Variants in VSIG10L observed in about 807,000 individuals in gnomAD.
VSIG10L encodes V-set and immunoglobulin domain containing 10 like.
In VSIG10L, 63 loss-of-function variants were observed where a neutral mutation model predicts 67.3. The observed-to-expected ratio is 0.94, with a 90% CI of 0.76 to 1.15. The LOEUF is 1.15. VSIG10L is among the 50% of genes most tolerant of loss of function. The probability of loss-of-function intolerance (pLI) is 0.00; values close to 1 mark genes in which losing one functional copy is unlikely to be tolerated. For missense variants in VSIG10L, 1,050 were observed against 1,177.5 expected (o/e 0.89, Z 1.58); for synonymous variants, 499 against 524.9 (o/e 0.95, Z 0.67).
rs1599834754 is a variant in VSIG10L, at chr19:51,340,086, G to A, written c.1403C>T (p.Thr468Ile). Residue 468 changes from threonine (T) to isoleucine (I), a missense_variant, in exon 4 of 10, where the codon ACC (threonine) becomes ATC (isoleucine). Physicochemically the swap from Thr to Ile is moderately conservative, Grantham distance 89. Transcript: ENST00000335624. This position sits in a 1 kb window ranked among gnomAD's most constrained non-coding sequence, Gnocchi z 6.3. Reference sequence around the variant, plus strand: ...CGGGTTCGCCGCCAGGCAGGCGTAGGTGCCTGCGTGGCCCGGTCCGACCGC... The same window carrying A: ...CGGGTTCGCCGCCAGGCAGGCGTAGATGCCTGCGTGGCCCGGTCCGACCGC... ...LPAVGPGHAGTYACLAANPRT... is the reference protein window; with the variant it reads ...LPAVGPGHAGIYACLAANPRT... 1 of 1,401,736 alleles carries A rather than the reference G, an allele frequency of 7.1e-7. No individual in the cohort carries two copies. Among genetic ancestry groups the A allele is most frequent in the Non-Finnish European group, 9.3e-7 (1 of 1,079,174 alleles). The allele number at this position is 1,401,736 out of a possible 1,614,324, so 86.8% of individuals were successfully genotyped here.
intron 6 of VSIG10L, 132 bp downstream of exon 6, chr19:51,337,798 T>C: frequency 8.3e-7 from 1 of 1,210,352 alleles, no homozygotes; most frequent in Non-Finnish European, 1.1e-6. Context: ...CTCCAGGGTC[T>C]GAGGGAGGAG....
chr19:51,332,387 A>T lies in VSIG10L; in HGVS notation c.*224T>A. Reference sequence around the variant, plus strand: ...TTAGATCAGCAAGAGTTTCCCAGCCAAGAAGTCACATCTCCTTACTTGCAC... The same window carrying T: ...TTAGATCAGCAAGAGTTTCCCAGCCTAGAAGTCACATCTCCTTACTTGCAC... On this transcript the variant is annotated 3_prime_UTR_variant, in exon 10 of 10. Transcript: ENST00000335624. 1 of 631,078 alleles carries T rather than the reference A, an allele frequency of 1.6e-6. No homozygotes were observed. The highest frequency in any genetic ancestry group is 2.9e-6 in the Non-Finnish European group (1 of 349,594). The allele number at this position is 631,078 out of a possible 1,614,324, so 39.1% of individuals were successfully genotyped here. A position where few individuals can be genotyped will look rare whatever the true frequency, so the allele number is the denominator to read the frequency against.
intron 7 of VSIG10L, among the ~76,000 whole-genome samples, chr19:51,334,853 A>G (rs1985444968): frequency 3.9e-5 from 6 of 152,134 alleles, no homozygotes; most frequent in Admixed American, 3.9e-4. Flanking sequence ...AGGCAAGATC[A>G]CCTGAGTCTG....
chr19:51,340,708 G>T lies in VSIG10L; in HGVS notation c.914C>A (p.Ser305Ter). ...VGVYEPLPQL[S>*]VQPKAPETEE... is the part of the protein sequence containing the mutation. ...TGTCTCTGGAGCCTTGGGCTGAACC[G>T]ACAGCTGGGGTAGGGGCTCTGGGAG... The change falls in exon 3 of 10, where the codon TCG (serine) becomes TAG (stop). Residue 305 changes from serine (S) to a stop codon, truncating the protein, a stop_gained. Transcript: ENST00000335624. LOFTEE classifies it high-confidence loss of function. This position sits in a 1 kb window ranked among gnomAD's most constrained non-coding sequence, Gnocchi z 6.3. The T allele has an allele frequency of 6.6e-7, 1 of 1,506,618 alleles. No homozygotes were observed. The highest frequency in any genetic ancestry group is 1.2e-5 in the South Asian group (1 of 81,032). The allele number at this position is 1,506,618 out of a possible 1,614,324, so 93.3% of individuals were successfully genotyped here. A position where few individuals can be genotyped will look rare whatever the true frequency, so the allele number is the denominator to read the frequency against.
At chr19:51,334,021 A>G in intron 8 of VSIG10L, 76 bp from the exon 9 acceptor site, 2 of 1,535,758 alleles carry the variant, frequency 1.3e-6, no homozygotes, top group Non-Finnish European at 1.8e-6. Context: ...ATAGCAAGGG[A>G]AGCTGGTTGG....
In VSIG10L at chr19:51,337,328, G is replaced by A. The variant is rs1985507336; in HGVS notation, c.2215C>T (p.Pro739Ser). The A allele has an allele frequency of 2.6e-6, 4 of 1,551,712 alleles. No homozygotes were observed. The highest frequency in any genetic ancestry group is 3.5e-6 in the Non-Finnish European group (4 of 1,146,988). The stretch of plus-strand genomic sequence containing the variant: ...AAGGTCCAGGTCCCTGGGTTCCGAG[G>A]TGGAAGGGGCACCACGGCTGACCGC... ...QERSAVVPLP[P>S]RNPGTWTFRI... The change falls in exon 7 of 10, where the codon CCT (proline) becomes TCT (serine). Residue 739 changes from proline (P) to serine (S), a missense_variant. Physicochemically the swap from Pro to Ser is moderately conservative, Grantham distance 74. Around this residue, in one of 3 missense-constraint regions of VSIG10L, gnomAD observed 529 missense variants for 584.9 expected, o/e 0.90. Transcript: ENST00000335624.
chr19:51,339,943 C>T (rs1454381057), intron 4 of VSIG10L, 72 bp downstream of exon 4: 2 of 1,102,600 alleles, frequency 1.8e-6, no homozygotes, highest in African/African-American at 1.7e-5. Context: ...CCGCCCCTTT[C>T]CTCTAGCCCC....
rs1273658678 is a variant in VSIG10L, at chr19:51,337,364, C to G, written c.2179G>C (p.Gly727Arg). The G allele has an allele frequency of 6.4e-7, 1 of 1,551,624 alleles. No individual in the cohort carries two copies. The highest frequency in any genetic ancestry group is 8.7e-7 in the Non-Finnish European group (1 of 1,146,976). ...ACCACGGCTGACCGCTCCTGAGGCC[C>G]CAGGATGAGCAGGGAGACCCAGTCC... ...YRDWVSLLIL[G>R]PQERSAVVPL... Residue 727 changes from glycine (G) to arginine (R), a missense_variant, in exon 7 of 10, where the codon GGG becomes CGG. Transcript: ENST00000335624.
intron 7 of VSIG10L, among the ~76,000 whole-genome samples, chr19:51,336,133 A>C (rs577009180): frequency 6.6e-6 from 1 of 152,196 alleles, no homozygotes; most frequent in Non-Finnish European, 1.5e-5. Flanking sequence ...AAAGAAAAAC[A>C]TATGTTGAAG....
chr19:51,339,254 C>G, intron 4 of VSIG10L, 112 bp from the exon 5 acceptor site: 1 of 1,116,320 alleles, frequency 9.0e-7, no homozygotes, highest in Non-Finnish European at 1.1e-6. Flanking sequence ...CCCATAGGCG[C>G]TCACACTCCC....
chr19:51,332,040 G>T lies in VSIG10L; in HGVS notation c.*571C>A, dbSNP rs531792073. On this transcript the variant is annotated 3_prime_UTR_variant, in exon 10 of 10. Coordinates refer to ENST00000335624, the MANE Select transcript of VSIG10L (RefSeq NM_001163922.3). ...ACAGACTGTGATACTGGAGTCCGGG[G>T]GCAGAGAAAGAATTGGGAGGGGAGG... is the stretch of plus-strand genomic sequence containing the variant. 6.3e-6 allele frequency: 1 copy of T among 158,102 alleles called. No individual in the cohort carries two copies. The highest frequency in any genetic ancestry group is 1.4e-5 in the Non-Finnish European group (1 of 71,584). The allele number at this position is 158,102 out of a possible 1,614,324, so 9.8% of individuals were successfully genotyped here. A position where few individuals can be genotyped will look rare whatever the true frequency, so the allele number is the denominator to read the frequency against.
Position 51,338,181 on chromosome 19 carries a change from G to A in VSIG10L, c.1757C>T (p.Pro586Leu), listed in dbSNP as rs1300766059. 6.0e-6 allele frequency: 9 copies of A among 1,501,046 alleles called. No homozygotes were observed. In the African/African-American group the frequency reaches 7.0e-5, roughly 12 times the overall value. 93.0% of individuals were successfully genotyped at this position (1,501,046 alleles called of 1,614,324 possible). A position where few individuals can be genotyped will look rare whatever the true frequency, so the allele number is the denominator to read the frequency against. Residue 586 changes from proline to leucine, a missense_variant, in exon 6 of 10, where the codon CCG becomes CTG. This residue lies in a region of VSIG10L where 529 missense variants were observed against 584.9 expected (regional missense o/e 0.90). Coordinates refer to ENST00000335624, the MANE Select transcript of VSIG10L (RefSeq NM_001163922.3). The part of the protein sequence containing the change: ...PEAPREVLLH[P>L]LVAETRLGEA... ...CCCCAACCGTGTCTCTGCCACCAGC[G>A]GATGCAGCAGCACCTCTCGGGGGGC...
At chr19:51,339,765 CTATT>C (rs1308988384) in intron 4 of VSIG10L, 1 of 378,058 alleles carries the variant, frequency 2.6e-6, no homozygotes, top group Non-Finnish European at 4.6e-6. Context: ...CCCTGCCACT[CTATT>C]TGGCTCCTTC....
chr19:51,332,507 G>A lies in VSIG10L; in HGVS notation c.*104C>T. The A allele has an allele frequency of 1.5e-6, 2 of 1,357,216 alleles. No homozygotes were observed. The highest frequency in any genetic ancestry group is 2.1e-6 in the Non-Finnish European group (2 of 970,446). 84.1% of individuals were successfully genotyped at this position (1,357,216 alleles called of 1,614,324 possible). On this transcript the variant is annotated 3_prime_UTR_variant, in exon 10 of 10. Transcript: ENST00000335624. ...TCAGTCATAGCAGGCCCTGGCTGCT[G>A]CTGGAGTGAAATAGGAAGTTCTGGC...
rs757619738 is a variant in VSIG10L, at chr19:51,341,175, G to A, written c.873C>T (p.His291=). 1.0e-5 allele frequency: 16 copies of A among 1,531,308 alleles called. No individual in the cohort carries two copies. The East Asian group carries it at 1.2e-4, about 12-fold the overall frequency. The allele number at this position is 1,531,308 out of a possible 1,614,324, so 94.9% of individuals were successfully genotyped here. The change falls in exon 2 of 10, where the codon CAC becomes CAT. Residue 291 remains histidine, a synonymous_variant. Transcript: ENST00000335624. ...TACCATACACACCCACCGTGAACTC[G>A]TGAGTCTGCTGGGAGACCCCTGCCC... ...VIRAGVSQQT[H]EFTVGVYEPL... is the part of the protein sequence containing the mutation.
rs746988635 is a variant in VSIG10L at position 51,334,199 on chromosome 19, C to T, written c.2411G>A (p.Arg804His). The change falls in exon 8 of 10, where the codon CGC becomes CAC. Residue 804 changes from arginine to histidine, a missense_variant. Coordinates refer to ENST00000335624, the MANE Select transcript of VSIG10L (RefSeq NM_001163922.3). ...CCAGTCCCCTTGCTCACCACGAAAGCGGCACAGGCAGCAGATGCAAAGGAG... is the reference window on the plus strand; with the variant it reads ...CCAGTCCCCTTGCTCACCACGAAAGTGGCACAGGCAGCAGATGCAAAGGAG... ...LLLLCICCLC[R>H]FRGKTPEKKK... 51 of 1,551,798 alleles carry T rather than the reference C, an allele frequency of 3.3e-5. No homozygotes were observed. The highest frequency in any genetic ancestry group is 1.2e-4 in the African/African-American group (9 of 73,162).
intron 4 of VSIG10L, 111 bp from the exon 5 acceptor site, chr19:51,339,253 G>C (rs1646353423): frequency 1.8e-6 from 2 of 1,129,946 alleles, no homozygotes; most frequent in Admixed American, 8.5e-5. Context: ...CCCCATAGGC[G>C]CTCACACTCC....
At chr19:51,334,745 C>A (rs539036356) in intron 7 of VSIG10L, among the ~76,000 whole-genome samples, 3 of 152,206 alleles carry the variant, frequency 2.0e-5, no homozygotes, top group African/African-American at 7.2e-5. Flanking sequence ...AGTTGGAGAC[C>A]AGCCTGGGCA....
In VSIG10L at chr19:51,339,050, C is replaced by T; in HGVS notation, c.1567G>A (p.Ala523Thr). 1 of 1,344,820 alleles carries T rather than the reference C, an allele frequency of 7.4e-7. No homozygotes were observed. The allele number at this position is 1,344,820 out of a possible 1,614,324, so 83.3% of individuals were successfully genotyped here. The stretch of plus-strand genomic sequence containing the variant: ...AGACCCTGGAACTGCAGGGAGGCAG[C>T]AGGGGCCCCGCCGGGCCACGAGCAG... ...FRCSWPGGAP[A>T]ASLQFQGLPE... The change falls in exon 5 of 10, where the codon GCT becomes ACT. Residue 523 changes from alanine to threonine, a missense_variant. Physicochemically the swap from Ala to Thr is moderately conservative, Grantham distance 58. Coordinates refer to ENST00000335624, the MANE Select transcript of VSIG10L (RefSeq NM_001163922.3).
Sources: allele counts gnomAD v4.1 joint callset (sites outside exome capture counted in the v4.1 genomes callset), GRCh38; gene constraint gnomAD v4.1.1; regional missense constraint gnomAD v4.1.1; non-coding constraint Gnocchi (gnomAD v3.1); transcripts MANE v1.5; gene names NCBI Gene and HGNC (gene_info 2026-07-23, HGNC 2026-07-21).